EYS: variants seen among roughly 807,000 people sequenced by gnomAD.
EYS encodes EGF-like photoreceptor maintenance factor.
A neutral mutation model predicts 282.1 loss-of-function variants in EYS; 250 were observed. The observed-to-expected ratio is 0.89, with a 90% CI of 0.80 to 0.98. The LOEUF (loss-of-function observed/expected upper bound fraction) is 0.98, where lower values mean the gene tolerates loss of function less well. Among genes scored for constraint, EYS ranks in the 50% least tolerant of loss-of-function variants. EYS has a pLI of 0.00. For synonymous variants in EYS, 1,355 were observed against 1,282.9 expected, an observed-to-expected ratio of 1.06 and a Z score of -1.20; for missense variants, 4,016 against 3,709.0, an observed-to-expected ratio of 1.08 and a Z score of -2.15.
intron 36 of EYS, among the ~76,000 whole-genome samples, chr6:63,841,784 C>T (rs542685960): frequency 2.6e-5 from 4 of 152,130 alleles, no homozygotes; most frequent in South Asian, 2.1e-4. Context: ...AACAGGCACC[C>T]GTGTGTGATG....
intron 12 of EYS, among the ~76,000 whole-genome samples, chr6:65,151,593 C>A (rs1246012870): frequency 6.6e-6 from 1 of 151,914 alleles, no homozygotes; most frequent in Non-Finnish European, 1.5e-5. Context: ...TAAGTATAAG[C>A]CCTCAGTCCA....
chr6:65,258,310 A>C (rs2150256214), intron 12 of EYS, among the ~76,000 whole-genome samples: 1 of 152,158 alleles, frequency 6.6e-6, no homozygotes, highest in African/African-American at 2.4e-5. Context: ...TAGAGGAGAA[A>C]GCAGCACTTT....
chr6:64,486,347 C>T (rs571316193), intron 26 of EYS, among the ~76,000 whole-genome samples: 6 of 151,330 alleles, frequency 4.0e-5, no homozygotes, highest in African/African-American at 1.5e-4. Flanking sequence ...ACAACTCGCT[C>T]CAGAGTATCT....
chr6:64,482,339 A>T (rs1776459603), intron 26 of EYS, among the ~76,000 whole-genome samples: 1 of 151,678 alleles, frequency 6.6e-6, no homozygotes, highest in Non-Finnish European at 1.5e-5. Context: ...ATATCAGTTT[A>T]TTTATAATTA....
chr6:64,906,512 AC>A (rs1374030901), intron 16 of EYS, among the ~76,000 whole-genome samples: 2 of 152,208 alleles, frequency 1.3e-5, no homozygotes, highest in Admixed American at 6.5e-5. Flanking sequence ...GTACTTGTAT[AC>A]CTTAGGTAAT....
At chr6:65,511,575 A>AT (rs964098697) in intron 2 of EYS, among the ~76,000 whole-genome samples, 3 of 152,030 alleles carry the variant, frequency 2.0e-5, no homozygotes, top group Non-Finnish European at 2.9e-5. Context: ...GATTAGGTAA[A>AT]TTTTTTTAAT....
chr6:63,947,698 A>C (rs1049700219), intron 35 of EYS, among the ~76,000 whole-genome samples: 3 of 152,152 alleles, frequency 2.0e-5, no homozygotes, highest in African/African-American at 7.2e-5. Flanking sequence ...AAGATGTTAA[A>C]TGTTTACAGC....
rs2149830904 is a variant in EYS at position 64,590,241 on chromosome 6, G to A, written c.5626C>T (p.Gln1876Ter). ...LSSLESILAP[Q>*]RLMISDFSCV... Reference sequence around the variant, plus strand: ...AACTCACCAGAAATCATCAGCCGTTGAGGTGCCAGAATGGATTCCAGTGAA... The same window carrying A: ...AACTCACCAGAAATCATCAGCCGTTAAGGTGCCAGAATGGATTCCAGTGAA... Residue 1876 changes from glutamine to a stop codon, truncating the protein, a stop_gained, in exon 26 of 43, where the codon CAA becomes TAA. Coordinates refer to ENST00000503581, the MANE Select transcript of EYS (RefSeq NM_001142800.2). LOFTEE classifies it high-confidence loss of function. 2.6e-6 allele frequency: 4 copies of A among 1,545,412 alleles called. No individual in the cohort carries two copies. Among genetic ancestry groups the A allele is most frequent in the Non-Finnish European group, 3.5e-6 (4 of 1,143,946 alleles).
chr6:65,624,789 T>C (rs1037191778), intron 2 of EYS, among the ~76,000 whole-genome samples: 2 of 152,208 alleles, frequency 1.3e-5, no homozygotes, highest in African/African-American at 4.8e-5. Flanking sequence ...CTTACACTAC[T>C]GTATGTCAGG....
chr6:64,149,501 A>G (rs1774630633), intron 31 of EYS, among the ~76,000 whole-genome samples: 1 of 152,194 alleles, frequency 6.6e-6, no homozygotes, highest in Non-Finnish European at 1.5e-5. Context: ...CGAGGATAGG[A>G]AGTATCTACA....
intron 2 of EYS, among the ~76,000 whole-genome samples, chr6:65,543,581 C>T (rs1768263732): frequency 6.6e-6 from 1 of 151,418 alleles, no homozygotes; most frequent in South Asian, 2.1e-4. Flanking sequence ...ATCTCTCAGA[C>T]CAGGTGTTTT....
chr6:64,966,224 C>A (rs1441530167), intron 14 of EYS, among the ~76,000 whole-genome samples: 1 of 152,022 alleles, frequency 6.6e-6, no homozygotes, highest in East Asian at 1.9e-4. Flanking sequence ...AAAAAAGATT[C>A]ATTTGTCCTA....
chr6:64,933,323 G>A (rs907493997), intron 15 of EYS, among the ~76,000 whole-genome samples: 1 of 152,048 alleles, frequency 6.6e-6, no homozygotes, highest in African/African-American at 2.4e-5. Context: ...AGTGGGCAAA[G>A]GATAGGAACA....
intron 28 of EYS, among the ~76,000 whole-genome samples, chr6:64,434,765 T>C (rs545358684): frequency 1.3e-5 from 2 of 152,250 alleles, no homozygotes; most frequent in South Asian, 2.1e-4. Context: ...CATTCATATA[T>C]GTAATACAAT....
chr6:65,321,646 A>C (rs1241553517), intron 11 of EYS, among the ~76,000 whole-genome samples: 2 of 152,216 alleles, frequency 1.3e-5, no homozygotes, highest in East Asian at 3.9e-4. Context: ...TACAGTCATG[A>C]AGGCTATAAC....
At chr6:64,285,826 T>G (rs1768479822) in intron 30 of EYS, among the ~76,000 whole-genome samples, 1 of 152,116 alleles carries the variant, frequency 6.6e-6, no homozygotes, top group Non-Finnish European at 1.5e-5. Context: ...CTCGTGAGAC[T>G]TATTCACTAC....
chr6:64,193,666 A>G (rs991793891), intron 31 of EYS, among the ~76,000 whole-genome samples: 1 of 151,830 alleles, frequency 6.6e-6, no homozygotes, highest in African/African-American at 2.4e-5. Context: ...CCACCCAATG[A>G]CAGGCCCTGG....
intron 33 of EYS, among the ~76,000 whole-genome samples, chr6:64,057,892 T>C (rs1246225470): frequency 6.6e-6 from 1 of 152,136 alleles, no homozygotes; most frequent in Non-Finnish European, 1.5e-5. Flanking sequence ...AGTTTGGTGG[T>C]ACGACCTTGG....
chr6:65,535,092 G>A (rs984183841), intron 2 of EYS, among the ~76,000 whole-genome samples: 3 of 152,132 alleles, frequency 2.0e-5, no homozygotes, highest in African/African-American at 7.2e-5. Flanking sequence ...CAGTTATGGA[G>A]GCCAGCAAAT....
Sources: allele counts gnomAD v4.1 joint callset (sites outside exome capture counted in the v4.1 genomes callset), GRCh38; gene constraint gnomAD v4.1.1; transcripts MANE v1.5; gene names NCBI Gene and HGNC (gene_info 2026-07-23, HGNC 2026-07-21).